Variants in ANKRD11 observed in about 807,000 individuals in gnomAD.
The protein encoded by ANKRD11 is ankyrin repeat domain 11.
In ANKRD11, 17 loss-of-function variants were observed where a neutral mutation model predicts 195.7. The observed-to-expected ratio is 0.09, with a 90% CI of 0.06 to 0.13. The LOEUF is 0.13. Ranked by LOEUF, ANKRD11 falls within the 10% of genes least tolerant of loss-of-function variation. The pLI, the probability that ANKRD11 is intolerant of heterozygous loss-of-function variation, is 1.00. For missense variants in ANKRD11, 3,735 were observed against 3,566.1 expected (o/e 1.05, Z -1.21); for synonymous variants, 1,953 against 1,528.1 (o/e 1.28, Z -6.49).
At chr16:89,274,614 G>A in intron 11 of ANKRD11, 200 bp downstream of exon 11, 1 of 760,432 alleles carries the variant, frequency 1.3e-6, no homozygotes, top group Non-Finnish European at 2.2e-6. Flanking sequence ...GCGGGGAGCT[G>A]TCTGCTGTCT....
intron 2 of ANKRD11, among the ~76,000 whole-genome samples, chr16:89,363,183 C>T (rs139035716): frequency 1.8e-4 from 28 of 152,218 alleles, no homozygotes; most frequent in African/African-American, 6.3e-4. Context: ...AAAAAATATA[C>T]GATGTTTCCA....
chr16:89,279,869 TCTCCGC>T lies in ANKRD11; in HGVS notation c.6667_6672del (p.Ala2223_Glu2224del), dbSNP rs750062555. On this transcript the variant is annotated inframe_deletion, in exon 9 of 13. Transcript: ENST00000301030. This position sits in a 1 kb window ranked among gnomAD's most constrained non-coding sequence, Gnocchi z 5.6. ...CCACGGGCCCTCTCTTCCGGCACCG[TCTCCGC>T]CTCCACCGCAGCTTCTAGAGCCACG... 5.7e-6 allele frequency: 9 copies of T among 1,570,162 alleles called. No homozygotes were observed. The South Asian group carries it at 9.2e-5, about 16-fold the overall frequency.
chr16:89,367,965 C>CT (rs144765217), intron 2 of ANKRD11, among the ~76,000 whole-genome samples: 4,639 of 152,212 alleles, frequency 0.03, 238 homozygotes, highest in African/African-American at 0.11. Flanking sequence ...GACTGCACCA[C>CT]TGCACTCCAG....
intron 1 of ANKRD11, among the ~76,000 whole-genome samples, chr16:89,456,558 A>C (rs1352889431): frequency 1.3e-5 from 2 of 151,884 alleles, no homozygotes; most frequent in Non-Finnish European, 2.9e-5. Context: ...AAAAAAAAAA[A>C]GATGGAAACA....
At chr16:89,269,028 A>T (rs1027070744) in intron 12 of ANKRD11, among the ~76,000 whole-genome samples, 3 of 152,250 alleles carry the variant, frequency 2.0e-5, no homozygotes, top group African/African-American at 7.2e-5. Context: ...ACGGCCAGTG[A>T]TAGTTTCACT....
intron 2 of ANKRD11, among the ~76,000 whole-genome samples, chr16:89,349,904 ACACACACATATT>A (rs922034024): frequency 1.5e-5 from 2 of 134,312 alleles, no homozygotes; most frequent in African/African-American, 6.0e-5. Context: ...ACACACACAC[ACACACACATATT>A]CAAACAACAA....
At chr16:89,313,152 GAC>G (rs901111505) in intron 3 of ANKRD11, among the ~76,000 whole-genome samples, 86 of 152,332 alleles carry the variant, frequency 5.6e-4, no homozygotes, top group African/African-American at 2.0e-3. Context: ...CTCGTCGGAG[GAC>G]ACACTTTGAG....
Position 89,283,817 on chromosome 16 carries a change from CCTT to C in ANKRD11, c.2722_2724del (p.Lys908del). ...GAGTTTTTATCCAAATAGTCCCTGT[CCTT>C]CTTTCGGAAGAAGGGCTCTCTGTAG... is the stretch of plus-strand genomic sequence containing the variant. On this transcript the variant is annotated inframe_deletion, in exon 9 of 13. Coordinates refer to ENST00000301030, the MANE Select transcript of ANKRD11 (RefSeq NM_013275.6). This position sits in a 1 kb window ranked among gnomAD's most constrained non-coding sequence, Gnocchi z 4.3. 1.2e-6 allele frequency: 2 copies of C among 1,614,158 alleles called. No individual in the cohort carries two copies. Among genetic ancestry groups the C allele is most frequent in the Non-Finnish European group, 1.7e-6 (2 of 1,180,034 alleles).
chr16:89,376,805 A>C lies in ANKRD11; in HGVS notation c.-60+41479T>G, dbSNP rs544909625. Among the ~76,000 whole-genome samples the C allele has an allele frequency of 3.9e-5, 6 of 152,328 alleles. No individual in the cohort carries two copies. In the East Asian group the frequency reaches 9.6e-4, roughly 24 times the overall value. On this transcript the variant is annotated intron_variant, in intron 2 of 12. Coordinates refer to ENST00000301030, the MANE Select transcript of ANKRD11 (RefSeq NM_013275.6). ...CTGGCGAAAAAAATCCTGTAAGAAC[A>C]TTTGTTAGTAAGAAAGAGAAGCGAG... is the stretch of plus-strand genomic sequence containing the variant.
intron 3 of ANKRD11, among the ~76,000 whole-genome samples, chr16:89,313,988 C>T (rs549804536): frequency 2.2e-4 from 34 of 152,220 alleles, no homozygotes; most frequent in Non-Finnish European, 2.8e-4. Context: ...GCCTGTGATG[C>T]GGAAGCTGAA....
chr16:89,274,386 A>C (rs796579601), intron 11 of ANKRD11, among the ~76,000 whole-genome samples: 2 of 152,306 alleles, frequency 1.3e-5, no homozygotes, highest in African/African-American at 4.8e-5. Flanking sequence ...CTGTCCCCGT[A>C]TGACAGCCCC....
At chr16:89,329,030 G>A (rs113955902) in intron 2 of ANKRD11, 5,749 of 143,206 alleles carry the variant, frequency 0.04, 156 homozygotes, top group Non-Finnish European at 0.062. Flanking sequence ...GGCCCCTGGT[G>A]AGTGAGTGGA....
rs895206160 is a variant in ANKRD11 at position 89,419,901 on chromosome 16, C to T, written c.-144-1533G>A. On this transcript the variant is annotated intron_variant, in intron 1 of 12. Coordinates refer to ENST00000301030, the MANE Select transcript of ANKRD11 (RefSeq NM_013275.6). ...ATTAAAAATAAGTGTGTGATGGGTG[C>T]GCTGGCTCACGCCTGTAATCCCAGC... 7.2e-5 allele frequency among the ~76,000 whole-genome samples: 11 copies of T among 151,914 alleles called. No individual in the cohort carries two copies. The South Asian group carries it at 8.3e-4, about 12-fold the overall frequency.
intron 3 of ANKRD11, among the ~76,000 whole-genome samples, chr16:89,309,678 C>T (rs1025498641): frequency 6.6e-6 from 1 of 152,248 alleles, no homozygotes; most frequent in Admixed American, 6.5e-5. Context: ...TCAGAGCCTG[C>T]TGGGCAGCTG....
At position 89,425,844 on chromosome 16, in the gene ANKRD11, C is replaced by T. The variant is rs780888102; in HGVS notation, c.-144-7476G>A. Among the ~76,000 whole-genome samples, 45 of 152,262 alleles carry T rather than the reference C, an allele frequency of 3.0e-4. 1 individual carries two copies. The highest frequency in any genetic ancestry group is 1.2e-3 in the Admixed American group (18 of 15,302). On this transcript the variant is annotated intron_variant, in intron 1 of 12. Transcript: ENST00000301030. ...AGGAGGAACTAGAAGGAAAACCAGG[C>T]TTCCTTCTTCAGTGCAAATGTTTCT... is the stretch of plus-strand genomic sequence containing the variant.
chr16:89,369,496 A>C (rs1404868566), intron 2 of ANKRD11, among the ~76,000 whole-genome samples: 1 of 152,264 alleles, frequency 6.6e-6, no homozygotes, highest in Non-Finnish European at 1.5e-5. Flanking sequence ...GCTCTGCCGT[A>C]TCAGACACAA....
At chr16:89,365,230 G>T (rs1274222475) in intron 2 of ANKRD11, among the ~76,000 whole-genome samples, 11 of 152,156 alleles carry the variant, frequency 7.2e-5, no homozygotes, top group Admixed American at 7.2e-4. Flanking sequence ...TTCCAGAGCT[G>T]GTTTTTGTAG....
intron 2 of ANKRD11, among the ~76,000 whole-genome samples, chr16:89,385,178 G>C (rs1261423829): frequency 6.8e-6 from 1 of 146,450 alleles, no homozygotes; most frequent in Non-Finnish European, 1.5e-5. Flanking sequence ...ACCCGGCCTT[G>C]AGAAATGGTG....
chr16:89,295,922 AT>A (rs2035395200), intron 4 of ANKRD11, among the ~76,000 whole-genome samples: 2 of 14,422 alleles, frequency 1.4e-4, no homozygotes, highest in African/African-American at 3.2e-4. Context: ...TGCAGGTGGG[AT>A]TGGGGGGGGC....
Sources: gnomAD v4.1 joint callset for allele counts (sites outside exome capture counted in the v4.1 genomes callset) on GRCh38, gnomAD v4.1.1 for gene constraint, Gnocchi (gnomAD v3.1) non-coding constraint, MANE v1.5 for transcripts, NCBI Gene and HGNC (gene_info 2026-07-23, HGNC 2026-07-21) for gene names.